The following ZDHHC3 variants were observed in gnomAD, a reference collection of about 807,000 sequenced individuals.
The protein encoded by ZDHHC3 is palmitoyltransferase ZDHHC3.
In ZDHHC3, 9 loss-of-function variants were observed where a neutral mutation model predicts 30.6. The observed-to-expected ratio is 0.29, with a 90% CI of 0.18 to 0.51. ZDHHC3 has a LOEUF of 0.51. ZDHHC3 is among the 20% of genes least tolerant of loss of function. ZDHHC3 has a pLI of 0.97. For missense variants in ZDHHC3, 246 were observed against 384.2 expected (o/e 0.64, Z 3.01); for synonymous variants, 136 against 140.2 (o/e 0.97, Z 0.21).
At position 44,966,478 on chromosome 3, in the gene ZDHHC3, T is replaced by G. The variant is rs140290327; in HGVS notation, c.-24-7018A>C. On this transcript the variant is annotated intron_variant, in intron 1 of 6. Coordinates refer to ENST00000424952, the MANE Select transcript of ZDHHC3 (RefSeq NM_001135179.2). Reference sequence around the variant, plus strand: ...TGAAAGAGGGTAGCATCTTTTCTGATATGTCTATAACTCTCAGCTGAAATT... The same window carrying G: ...TGAAAGAGGGTAGCATCTTTTCTGAGATGTCTATAACTCTCAGCTGAAATT... Among the ~76,000 whole-genome samples, 115 of 152,320 alleles carry G rather than the reference T, an allele frequency of 7.5e-4. 5 individuals carry two copies. The East Asian group carries it at 0.014, about 18-fold the overall frequency.
rs1458129769 is a variant in ZDHHC3 at position 44,945,183 on chromosome 3, C to T, written c.416G>A (p.Arg139Gln). The change falls in exon 3 of 7, where the codon CGA (arginine) becomes CAA (glutamine). Residue 139 changes from arginine to glutamine, a missense_variant. Transcript: ENST00000424952. ...GTGAGTGTACCTGCAGTGGTGGGCT[C>T]GGTCGGGCTTGATGCTGCAGCATTT... ...CPKCCSIKPD[R>Q]AHHCSVCKRC... is the part of the protein sequence containing the mutation. 2.5e-6 allele frequency: 4 copies of T among 1,614,004 alleles called. No individual in the cohort carries two copies. The highest frequency in any genetic ancestry group is 3.4e-6 in the Non-Finnish European group (4 of 1,180,030).
At chr3:44,941,804 A>G (rs145270328) in intron 3 of ZDHHC3, among the ~76,000 whole-genome samples, 2,019 of 152,330 alleles carry the variant, frequency 0.013, 23 homozygotes, top group Middle Eastern at 0.037. Flanking sequence ...AATGTTTAAG[A>G]AAGTTTACAA....
chr3:44,942,661 T>A (rs973582434), intron 3 of ZDHHC3, among the ~76,000 whole-genome samples: 2 of 152,232 alleles, frequency 1.3e-5, no homozygotes, highest in African/African-American at 4.8e-5. Flanking sequence ...TCCATACACA[T>A]TCTTCTATTA....
At chr3:44,948,213 C>A (rs560807860) in intron 2 of ZDHHC3, among the ~76,000 whole-genome samples, 38 of 152,222 alleles carry the variant, frequency 2.5e-4, no homozygotes, top group African/African-American at 8.9e-4. Context: ...AGATAGAGCA[C>A]CCTGGTCTCC....
rs1199473416 is a variant in ZDHHC3, at chr3:44,915,473, A to C, written c.*11216T>G. ...AGGGTTGGACAGGTTAATTACCTACATAACCCTGGCTGTGGCCCAGCCCAG... is the reference window on the plus strand; with the variant it reads ...AGGGTTGGACAGGTTAATTACCTACCTAACCCTGGCTGTGGCCCAGCCCAG... On this transcript the variant is annotated 3_prime_UTR_variant, in exon 7 of 7. Transcript: ENST00000424952. 6.6e-6 allele frequency: 1 copy of C among 152,230 alleles called. No individual in the cohort carries two copies. The highest frequency in any genetic ancestry group is 1.5e-5 in the Non-Finnish European group (1 of 68,144). The allele number at this position is 152,230 out of a possible 1,614,324, so 9.4% of individuals were successfully genotyped here.
intron 6 of ZDHHC3, among the ~76,000 whole-genome samples, chr3:44,928,956 C>T (rs1371788881): frequency 6.6e-6 from 1 of 152,196 alleles, no homozygotes; most frequent in Non-Finnish European, 1.5e-5. Flanking sequence ...AAGCCTGTGG[C>T]CCCCAGATGG....
rs1700683666 is a variant in ZDHHC3, at chr3:44,922,683, G to T, written c.*4006C>A. 1 of 985,234 alleles carries T rather than the reference G, an allele frequency of 1.0e-6. No homozygotes were observed. The highest frequency in any genetic ancestry group is 1.2e-6 in the Non-Finnish European group (1 of 829,932). The allele number at this position is 985,234 out of a possible 1,614,324, so 61.0% of individuals were successfully genotyped here. A position where few individuals can be genotyped will look rare whatever the true frequency, so the allele number is the denominator to read the frequency against. ...TAGCCCCAACTGGATTCTCAAACTT[G>T]ATAGTCAGAATCACCTGGAGGGCTG... is the stretch of plus-strand genomic sequence containing the variant. On this transcript the variant is annotated 3_prime_UTR_variant, in exon 7 of 7. Transcript: ENST00000424952.
Position 44,933,876 on chromosome 3 carries a change from A to C in ZDHHC3, c.528+12T>G. 2 of 1,613,876 alleles carry C rather than the reference A, an allele frequency of 1.2e-6. No individual in the cohort carries two copies. Among genetic ancestry groups the C allele is most frequent in the Non-Finnish European group, 1.7e-6 (2 of 1,179,762 alleles). ...TCATGGGGGGCAGGGCAGAATTTGC[A>C]AGCTGACTTACTGTAAACAGGACGA... is the stretch of plus-strand genomic sequence containing the variant. On this transcript the variant is annotated intron_variant, in intron 4 of 6. Transcript: ENST00000424952.
chr3:44,958,440 T>A (rs931778874), intron 2 of ZDHHC3: 2 of 743,450 alleles, frequency 2.7e-6, no homozygotes, highest in Non-Finnish European at 4.6e-6. Flanking sequence ...TCAAATAATG[T>A]ATTCTCTTGC....
intron 6 of ZDHHC3, among the ~76,000 whole-genome samples, chr3:44,928,689 C>T (rs1026255754): frequency 6.6e-6 from 1 of 152,176 alleles, no homozygotes; most frequent in African/African-American, 2.4e-5. Context: ...CCCAGTCTGG[C>T]ACAGCCAGCA....
chr3:44,921,894 T>A lies in ZDHHC3; in HGVS notation c.*4795A>T. 5 of 985,430 alleles carry A rather than the reference T, an allele frequency of 5.1e-6. No homozygotes were observed. Among genetic ancestry groups the A allele is most frequent in the Non-Finnish European group, 6.0e-6 (5 of 829,928 alleles). The allele number at this position is 985,430 out of a possible 1,614,324, so 61.0% of individuals were successfully genotyped here. On this transcript the variant is annotated 3_prime_UTR_variant, in exon 7 of 7. Transcript: ENST00000424952. Reference sequence around the variant, plus strand: ...GCATCCTTATGTCCGTGTTAGAGCATGTGCGGCCCCTAGAAGGCTTTTAGC... The same window carrying A: ...GCATCCTTATGTCCGTGTTAGAGCAAGTGCGGCCCCTAGAAGGCTTTTAGC...
rs1347628323 is a variant in ZDHHC3, at chr3:44,925,770, T to C, written c.*919A>G. ...GGTTTATAAAATGAGAAGGGGATGA[T>C]GGTGGGGCTGTATGTGTTGGGCACT... is the stretch of plus-strand genomic sequence containing the variant. On this transcript the variant is annotated 3_prime_UTR_variant, in exon 7 of 7. Coordinates refer to ENST00000424952, the MANE Select transcript of ZDHHC3 (RefSeq NM_001135179.2). 1 of 985,686 alleles carries C rather than the reference T, an allele frequency of 1.0e-6. No individual in the cohort carries two copies. The highest frequency in any genetic ancestry group is 1.2e-6 in the Non-Finnish European group (1 of 829,942). The allele number at this position is 985,686 out of a possible 1,614,324, so 61.1% of individuals were successfully genotyped here.
chr3:44,920,439 C>CACCGAG lies in ZDHHC3; in HGVS notation c.*6249_*6250insCTCGGT. 2 of 1,254,658 alleles carry CACCGAG rather than the reference C, an allele frequency of 1.6e-6. No homozygotes were observed. Among genetic ancestry groups the CACCGAG allele is most frequent in the Non-Finnish European group, 2.1e-6 (2 of 967,372 alleles). 77.7% of individuals were successfully genotyped at this position (1,254,658 alleles called of 1,614,324 possible). ...ACACCCAAAAATGACAGACTGGCTG[C>CACCGAG]ATCCACACTGACTTGGACTCAAAGC... On this transcript the variant is annotated 3_prime_UTR_variant, in exon 7 of 7. Coordinates refer to ENST00000424952, the MANE Select transcript of ZDHHC3 (RefSeq NM_001135179.2).
rs1006082660 is a variant in ZDHHC3 at position 44,918,384 on chromosome 3, C to G, written c.*8305G>C. On this transcript the variant is annotated 3_prime_UTR_variant, in exon 7 of 7. Transcript: ENST00000424952. ...GAGGAACACAGCAAGCAGGGCCCGCCTGGTGGACTGACGTGTTCTCCACCC... is the reference window on the plus strand; with the variant it reads ...GAGGAACACAGCAAGCAGGGCCCGCGTGGTGGACTGACGTGTTCTCCACCC... 1 of 985,348 alleles carries G rather than the reference C, an allele frequency of 1.0e-6. No individual in the cohort carries two copies. The allele number at this position is 985,348 out of a possible 1,614,324, so 61.0% of individuals were successfully genotyped here. A position where few individuals can be genotyped will look rare whatever the true frequency, so the allele number is the denominator to read the frequency against.
At position 44,933,975 on chromosome 3, in the gene ZDHHC3, C is replaced by T; in HGVS notation, c.441G>A (p.Lys147=). The change falls in exon 4 of 7, where the codon AAG becomes AAA. Residue 147 remains lysine, a synonymous_variant. Transcript: ENST00000424952. ...GGTGGTCCATCTTCCGAATGCACCGCTTACAAACACTGAAACAGCCCACAG... is the reference window on the plus strand; with the variant it reads ...GGTGGTCCATCTTCCGAATGCACCGTTTACAAACACTGAAACAGCCCACAG... ...PDRAHHCSVC[K]RCIRKMDHHC... is the part of the protein sequence containing the mutation. The T allele has an allele frequency of 6.2e-7, 1 of 1,614,172 alleles. No individual in the cohort carries two copies. The highest frequency in any genetic ancestry group is 8.5e-7 in the Non-Finnish European group (1 of 1,180,034).
In ZDHHC3 at chr3:44,923,929, T is replaced by A; in HGVS notation, c.*2760A>T. The A allele has an allele frequency of 1.0e-6, 1 of 985,466 alleles. No homozygotes were observed. Among genetic ancestry groups the A allele is most frequent in the Non-Finnish European group, 1.2e-6 (1 of 829,934 alleles). The allele number at this position is 985,466 out of a possible 1,614,324, so 61.0% of individuals were successfully genotyped here. A position where few individuals can be genotyped will look rare whatever the true frequency, so the allele number is the denominator to read the frequency against. On this transcript the variant is annotated 3_prime_UTR_variant, in exon 7 of 7. Coordinates refer to ENST00000424952, the MANE Select transcript of ZDHHC3 (RefSeq NM_001135179.2). Reference sequence around the variant, plus strand: ...ATTACCAAGCCCATGCAAATATGCATAGATTATAGATTTGCTTGGATCTAA... The same window carrying A: ...ATTACCAAGCCCATGCAAATATGCAAAGATTATAGATTTGCTTGGATCTAA...
chr3:44,962,315 G>C (rs1288415224), intron 1 of ZDHHC3, among the ~76,000 whole-genome samples: 1 of 152,104 alleles, frequency 6.6e-6, no homozygotes, highest in Non-Finnish European at 1.5e-5. Flanking sequence ...CCTCATTCTT[G>C]ATTGTATTTA....
At chr3:44,945,384 C>G (rs1392522148) in intron 2 of ZDHHC3, 92 bp from the exon 3 acceptor site, 4 of 1,465,918 alleles carry the variant, frequency 2.7e-6, no homozygotes, top group African/African-American at 2.8e-5. Flanking sequence ...AAGCAGCAAC[C>G]ACACACACAC....
At position 44,929,306 on chromosome 3, in the gene ZDHHC3, C is replaced by G; in HGVS notation, c.741G>C (p.Thr247=). 1 of 1,613,728 alleles carries G rather than the reference C, an allele frequency of 6.2e-7. No homozygotes were observed. ...TQVHSICTDE[T]GIEQLKKEER... ...ATGGTGGGCAGAGCCACCTGCTTACCGTCTCATCTGTGCAGATGGAGTGCA... is the reference window on the plus strand; with the variant it reads ...ATGGTGGGCAGAGCCACCTGCTTACGGTCTCATCTGTGCAGATGGAGTGCA... Residue 247 remains threonine, a splice_region_variant and synonymous_variant, in exon 6 of 7, where the codon ACG becomes ACC. Coordinates refer to ENST00000424952, the MANE Select transcript of ZDHHC3 (RefSeq NM_001135179.2).
Sources: allele counts gnomAD v4.1 joint callset (sites outside exome capture counted in the v4.1 genomes callset), GRCh38; gene constraint gnomAD v4.1.1; transcripts MANE v1.5; gene names NCBI Gene and HGNC (gene_info 2026-07-23, HGNC 2026-07-21).